The following SMARCA2 variants were observed in gnomAD, a reference collection of about 807,000 sequenced individuals.
SMARCA2 encodes SWI/SNF-related matrix-associated actin-dependent regulator of chromatin subfamily A member 2.
A neutral mutation model predicts 199.8 loss-of-function variants in SMARCA2; 61 were observed. The ratio of observed to expected loss-of-function variants is 0.31; its 90% CI spans 0.25 to 0.38. SMARCA2 has a LOEUF of 0.38. SMARCA2 is among the 10% of genes least tolerant of loss of function. The pLI is 1.00. For synonymous variants in SMARCA2, 935 were observed against 732.0 expected, an observed-to-expected ratio of 1.28 and a Z score of -4.48; for missense variants, 1,344 against 2,012.2, an observed-to-expected ratio of 0.67 and a Z score of 6.35.
chr9:2,103,897 A>T, intron 22 of SMARCA2, 106 bp from the exon 23 acceptor site: 1 of 809,172 alleles, frequency 1.2e-6, no homozygotes, highest in Admixed American at 2.5e-5. Flanking sequence ...TACTTATTGA[A>T]TGTTTACAGT....
At chr9:2,083,307 A>C in intron 15 of SMARCA2, 40 bp from the exon 16 acceptor site, 1 of 1,347,462 alleles carries the variant, frequency 7.4e-7, no homozygotes, top group Non-Finnish European at 1.0e-6. Flanking sequence ...ATTTTTATAC[A>C]AATGTCTTTT....
chr9:2,137,340 A>G (rs1305252545), intron 27 of SMARCA2, among the ~76,000 whole-genome samples: 2 of 152,212 alleles, frequency 1.3e-5, no homozygotes, highest in East Asian at 1.9e-4. Flanking sequence ...GTGGCCTTCC[A>G]TTGTAAGTGT....
At chr9:2,152,371 C>G (rs2376302) in intron 27 of SMARCA2, among the ~76,000 whole-genome samples, 2 of 151,716 alleles carry the variant, frequency 1.3e-5, no homozygotes, top group South Asian at 2.1e-4. Context: ...CTGGCCAACA[C>G]GATGAAAGCC....
intron 8 of SMARCA2, 50 bp from the exon 9 acceptor site, chr9:2,060,766 T>C: frequency 2.6e-6 from 4 of 1,564,800 alleles, no homozygotes; most frequent in Non-Finnish European, 3.5e-6. Context: ...AGAGTGGAGT[T>C]GTCTGCACGC....
rs575915942 is a variant in SMARCA2 at position 2,147,667 on chromosome 9, A to G, written c.3982-14019A>G. Among the ~76,000 whole-genome samples, 1,113 of 145,942 alleles carry G rather than the reference A, an allele frequency of 7.6e-3. 10 individuals carry two copies. Among genetic ancestry groups the G allele is most frequent in the Non-Finnish European group, 0.012 (746 of 63,608 alleles). Reference sequence around the variant, plus strand: ...TCGAGACCAGCCTGGCCAACACGGCAAAACCCTGTCTCTACTAAAAATACG... The same window carrying G: ...TCGAGACCAGCCTGGCCAACACGGCGAAACCCTGTCTCTACTAAAAATACG... On this transcript the variant is annotated intron_variant, in intron 27 of 33. Transcript: ENST00000349721.
intron 27 of SMARCA2, among the ~76,000 whole-genome samples, chr9:2,147,820 CCTGGGTGACAGAGCCAGA>C (rs566202244): frequency 1.3e-5 from 2 of 151,450 alleles, no homozygotes; most frequent in South Asian, 4.2e-4. Flanking sequence ...TGCACTCCAG[CCTGGGTGACAGAGCCAGA>C]CTCCGTCTCA....
chr9:2,058,852 A>G (rs561807567), intron 8 of SMARCA2, among the ~76,000 whole-genome samples: 1 of 152,218 alleles, frequency 6.6e-6, no homozygotes, highest in Non-Finnish European at 1.5e-5. Flanking sequence ...AATGAATAAC[A>G]CATTAAGTCG....
At chr9:2,066,231 T>C (rs1054226325) in intron 9 of SMARCA2, among the ~76,000 whole-genome samples, 1 of 152,214 alleles carries the variant, frequency 6.6e-6, no homozygotes, top group Non-Finnish European at 1.5e-5. Flanking sequence ...ATAATATAGA[T>C]TGTAAAATAT....
At position 2,077,444 on chromosome 9, in the gene SMARCA2, G is replaced by T. The variant is rs73638378; in HGVS notation, c.2037-185G>T. Among the ~76,000 whole-genome samples, 7,295 of 152,160 alleles carry T rather than the reference G, an allele frequency of 0.048. 567 individuals carry two copies. Among genetic ancestry groups the T allele is most frequent in the African/African-American group, 0.17 (6,871 of 41,478 alleles). On this transcript the variant is annotated intron_variant, in intron 13 of 33. Coordinates refer to ENST00000349721, the MANE Select transcript of SMARCA2 (RefSeq NM_003070.5). ...ATAAAATGGGGATGATCATCATAAC[G>T]CCTTTTGTGCTTGCTTTTTGAGAGG...
At chr9:2,121,469 T>A (rs1823457441) in intron 26 of SMARCA2, among the ~76,000 whole-genome samples, 1 of 152,230 alleles carries the variant, frequency 6.6e-6, no homozygotes, top group African/African-American at 2.4e-5. Context: ...AATTCACTAT[T>A]CCTTAGCACC....
intron 27 of SMARCA2, among the ~76,000 whole-genome samples, chr9:2,134,422 G>C (rs1824105680): frequency 6.6e-6 from 1 of 152,114 alleles, no homozygotes; most frequent in Non-Finnish European, 1.5e-5. Flanking sequence ...TTTCTCCCTA[G>C]CTGTACACCA....
intron 32 of SMARCA2, among the ~76,000 whole-genome samples, chr9:2,187,501 A>G (rs764573157): frequency 5.9e-5 from 9 of 152,068 alleles, no homozygotes; most frequent in Admixed American, 2.6e-4. Flanking sequence ...GCAAGACCCT[A>G]TCTCTACAAA....
Position 2,076,546 on chromosome 9 carries a change from T to C in SMARCA2, c.2036+217T>C, listed in dbSNP as rs78934285. 9.5e-3 allele frequency among the ~76,000 whole-genome samples: 1,447 copies of C among 151,700 alleles called. 19 individuals are homozygous for C. Among genetic ancestry groups the C allele is most frequent in the African/African-American group, 0.033 (1,371 of 41,328 alleles). On this transcript the variant is annotated intron_variant, in intron 13 of 33. Transcript: ENST00000349721. ...CCCTCCCTTCCTTCCTTCCCTTTCT[T>C]CCCTTTCTTTCTCACTTCCTTACCC...
At position 2,047,258 on chromosome 9, in the gene SMARCA2, A is replaced by C. The variant is rs1304111419; in HGVS notation, c.820A>C (p.Thr274Pro). Residue 274 changes from threonine (T) to proline (P), a missense_variant, in exon 5 of 34, where the codon ACC becomes CCC. Physicochemically the swap from Thr to Pro is conservative, Grantham distance 38. Coordinates refer to ENST00000349721, the MANE Select transcript of SMARCA2 (RefSeq NM_003070.5). ...GPGPELSGPSTPQKLPVPAPG... is the reference protein window; with the variant it reads ...GPGPELSGPSPPQKLPVPAPG... ...GGGGCCGGAGCTGAGCGGCCCGAGC[A>C]CCCCGCAGAAGCTGCCGGTGCCCGC... 3.8e-5 allele frequency: 38 copies of C among 1,006,856 alleles called. No individual in the cohort carries two copies. The highest frequency in any genetic ancestry group is 4.5e-5 in the Non-Finnish European group (38 of 845,232). 62.4% of individuals were successfully genotyped at this position (1,006,856 alleles called of 1,614,324 possible). A position where few individuals can be genotyped will look rare whatever the true frequency, so the allele number is the denominator to read the frequency against.
At position 2,141,158 on chromosome 9, in the gene SMARCA2, CTT is replaced by C. The variant is rs60205373; in HGVS notation, c.3981+17224_3981+17225del. Reference sequence around the variant, plus strand: ...ATTTATTCCCATAGGATTTTCAGGACTTTTCCTGAGCCAAATTAGACCCTTTC... The same window carrying C: ...ATTTATTCCCATAGGATTTTCAGGACTTCCTGAGCCAAATTAGACCCTTTC... On this transcript the variant is annotated intron_variant, in intron 27 of 33. Transcript: ENST00000349721. Among the ~76,000 whole-genome samples the C allele has an allele frequency of 1.7e-4, 25 of 147,238 alleles. No individual in the cohort carries two copies. The South Asian group carries it at 3.0e-3, about 18-fold the overall frequency.
chr9:2,109,964 A>C (rs1822926087), intron 23 of SMARCA2, among the ~76,000 whole-genome samples: 2 of 152,230 alleles, frequency 1.3e-5, no homozygotes, highest in South Asian at 4.1e-4. Flanking sequence ...AAATCACAGA[A>C]ATAAATCCAA....
chr9:2,142,713 G>C (rs1018286865), intron 27 of SMARCA2, among the ~76,000 whole-genome samples: 1 of 152,172 alleles, frequency 6.6e-6, no homozygotes, highest in Admixed American at 6.5e-5. Context: ...GGCTGGAGTA[G>C]GGCAAACTGA....
In SMARCA2 at chr9:2,034,977, G is replaced by A. The variant is rs953558903; in HGVS notation, c.355+1896G>A. On this transcript the variant is annotated intron_variant, in intron 3 of 33. Transcript: ENST00000349721. ...CAGGCTTATCATTTACATTTGAAGGGGCCAAGTATGTTCATGGAGCTAATA... is the reference window on the plus strand; with the variant it reads ...CAGGCTTATCATTTACATTTGAAGGAGCCAAGTATGTTCATGGAGCTAATA... Among the ~76,000 whole-genome samples the A allele has an allele frequency of 2.6e-5, 4 of 151,174 alleles. No homozygotes were observed. The East Asian group carries it at 5.8e-4, about 22-fold the overall frequency.
At chr9:2,040,104 C>G in intron 4 of SMARCA2, 1 of 1,076,256 alleles carries the variant, frequency 9.3e-7, no homozygotes, top group Non-Finnish European at 1.3e-6. Flanking sequence ...GTTTCTTAAC[C>G]TTAAAAGGTG....
Sources: gnomAD v4.1 joint callset for allele counts (sites outside exome capture counted in the v4.1 genomes callset) on GRCh38, gnomAD v4.1.1 for gene constraint, MANE v1.5 for transcripts, NCBI Gene and HGNC (gene_info 2026-07-23, HGNC 2026-07-21) for gene names.